The following DMD variants were observed in gnomAD, a reference collection of about 807,000 sequenced individuals.
DMD encodes the protein dystrophin.
Under a neutral mutation model 330.1 loss-of-function variants are expected in DMD, and 63 were observed. The ratio of observed to expected loss-of-function variants is 0.19; its 90% confidence interval spans 0.16 to 0.24. The LOEUF (loss-of-function observed/expected upper bound fraction) is 0.24. DMD is among the 10% of genes least tolerant of loss of function. The pLI is 1.00. For missense variants in DMD, 3,344 were observed against 2,684.1 expected (o/e 1.25, Z -5.43); for synonymous variants, 1,223 against 959.8 (o/e 1.27, Z -5.07).
At chrX:31,684,541 G>A (rs778890544) in intron 52 of DMD, among the ~76,000 whole-genome samples, 1 of 111,804 alleles carries the variant, frequency 8.9e-6, no homozygotes, top group African/African-American at 3.3e-5. Flanking sequence ...ATTCAAAGAT[G>A]GACTTATGGT....
intron 44 of DMD, among the ~76,000 whole-genome samples, chrX:31,990,306 C>T (rs766648610): frequency 9.0e-6 from 1 of 111,167 alleles, no homozygotes; most frequent in Non-Finnish European, 1.9e-5. Context: ...ATGTAAATGC[C>T]TTTTCCTGGA....
chrX:32,412,254 A>G (rs758838962), intron 29 of DMD: 1 of 993,279 alleles, frequency 1.0e-6, no homozygotes, highest in East Asian at 6.3e-5. Context: ...TGATCTCATT[A>G]TATAGTTCAA....
chrX:32,362,644 G>T, intron 37 of DMD, 144 bp downstream of exon 37: 2 of 613,520 alleles, frequency 3.3e-6, no homozygotes, highest in Non-Finnish European at 5.4e-6. Context: ...ATAATCAGTG[G>T]TAAAATTTCC....
intron 9 of DMD, among the ~76,000 whole-genome samples, chrX:32,656,185 C>G (rs2060557483): frequency 8.9e-6 from 1 of 111,797 alleles, no homozygotes; most frequent in African/African-American, 3.2e-5. Context: ...ATAACGCATC[C>G]AACTTCGTCA....
intron 17 of DMD, among the ~76,000 whole-genome samples, chrX:32,520,688 CTTTA>C (rs1319734981): frequency 2.7e-5 from 3 of 111,341 alleles, no homozygotes; most frequent in Non-Finnish European, 5.6e-5. Context: ...TTATTGGCTG[CTTTA>C]TTTTTCTTAT....
rs773102625 is a variant in DMD at position 31,774,052 on chromosome X, C to A, written c.7450G>T (p.Asp2484Tyr). The A allele has an allele frequency of 8.3e-7, 1 of 1,208,013 alleles. No homozygotes were observed. Among genetic ancestry groups the A allele is most frequent in the Non-Finnish European group, 1.1e-6 (1 of 894,861 alleles). The change falls in exon 51 of 79, where the codon GAC becomes TAC. Residue 2484 changes from aspartate to tyrosine, a missense_variant. By Grantham distance (160) the Asp-to-Tyr change is radical. Transcript: ENST00000357033. ...DFNRAWTELT[D>Y]WLSLLDQVIK... ...ACTTGATCAAGCAGAGAAAGCCAGT[C>A]GGTAAGTTCTGTCCAAGCCCGGTTG...
chrX:31,954,584 C>T (rs1177036762), intron 45 of DMD, among the ~76,000 whole-genome samples: 2 of 110,952 alleles, frequency 1.8e-5, no homozygotes, highest in Admixed American at 9.6e-5. Flanking sequence ...CTGTCATTTG[C>T]AGCAACGTGG....
chrX:32,622,700 A>G (rs2058076988), intron 11 of DMD, among the ~76,000 whole-genome samples: 1 of 111,654 alleles, frequency 9.0e-6, no homozygotes, highest in African/African-American at 3.3e-5. Context: ...CCTTTTTTAT[A>G]CGCAACTCAT....
intron 41 of DMD, among the ~76,000 whole-genome samples, chrX:32,334,548 G>C (rs760827425): frequency 1.8e-5 from 2 of 111,573 alleles, no homozygotes; most frequent in Non-Finnish European, 3.8e-5. Context: ...TCTAGGCTCA[G>C]ACATTATTTT....
intron 50 of DMD, among the ~76,000 whole-genome samples, chrX:31,817,230 A>G (rs2092654359): frequency 8.9e-6 from 1 of 112,555 alleles, no homozygotes; most frequent in Non-Finnish European, 1.9e-5. Flanking sequence ...ATCTGCTATA[A>G]TGAATTATAA....
In DMD at chrX:31,679,367, A is replaced by T; in HGVS notation, c.7872+8T>A. The T allele has an allele frequency of 8.4e-7, 1 of 1,184,889 alleles. No individual in the cohort carries two copies. Among genetic ancestry groups the T allele is most frequent in the Non-Finnish European group, 1.1e-6 (1 of 876,644 alleles). On this transcript the variant is annotated splice_region_variant and intron_variant, in intron 53 of 78. Transcript: ENST00000357033. ...ATTTTATTTTAAAAAGGTATCTTTG[A>T]TACTAACCTTGGTTTCTGTGATTTT...
chrX:33,305,747 C>T (rs2053752650), intron 1 of DMD, among the ~76,000 whole-genome samples: 1 of 110,933 alleles, frequency 9.0e-6, no homozygotes, highest in African/African-American at 3.3e-5. Flanking sequence ...TATAAAAAAC[C>T]TTCAGTCTCA....
At chrX:32,162,925 G>T (rs2096855470) in intron 44 of DMD, among the ~76,000 whole-genome samples, 1 of 110,271 alleles carries the variant, frequency 9.1e-6, no homozygotes, top group East Asian at 2.9e-4. Flanking sequence ...ACTTGAATTT[G>T]AATAATACCT....
chrX:31,510,334 C>T (rs779135641), intron 55 of DMD, among the ~76,000 whole-genome samples: 26 of 110,929 alleles, frequency 2.3e-4, no homozygotes, highest in African/African-American at 8.5e-4. Flanking sequence ...TTGCCAGAAG[C>T]ATTGGATATA....
chrX:31,233,532 A>C (rs2047422260), intron 63 of DMD, among the ~76,000 whole-genome samples: 1 of 111,302 alleles, frequency 9.0e-6, no homozygotes, highest in East Asian at 2.8e-4. Flanking sequence ...GATTGCAAAA[A>C]CATACTCTTC....
At chrX:32,871,543 T>C (rs1371415225) in intron 2 of DMD, among the ~76,000 whole-genome samples, 2 of 111,592 alleles carry the variant, frequency 1.8e-5, no homozygotes, top group African/African-American at 6.5e-5. Flanking sequence ...CTGGAATCTA[T>C]TGATAAGATT....
intron 2 of DMD, among the ~76,000 whole-genome samples, chrX:32,900,811 C>A (rs1159927875): frequency 9.0e-6 from 1 of 111,021 alleles, no homozygotes; most frequent in Non-Finnish European, 1.9e-5. Flanking sequence ...AAATGTCACA[C>A]CAAAAGGAAA....
chrX:32,324,250 T>C (rs1295368589), intron 41 of DMD, among the ~76,000 whole-genome samples: 2 of 111,677 alleles, frequency 1.8e-5, no homozygotes, highest in Non-Finnish European at 3.8e-5. Context: ...AAATATTACA[T>C]GTACCCTATA....
chrX:31,952,191 G>A (rs2095190311), intron 45 of DMD, among the ~76,000 whole-genome samples: 1 of 110,886 alleles, frequency 9.0e-6, no homozygotes, highest in South Asian at 3.8e-4. Context: ...TATGTTTTAG[G>A]GTATTGATCT....
Sources: gnomAD v4.1 joint callset for allele counts (sites outside exome capture counted in the v4.1 genomes callset) on GRCh38, gnomAD v4.1.1 for gene constraint, MANE v1.5 for transcripts, NCBI Gene and HGNC (gene_info 2026-07-23, HGNC 2026-07-21) for gene names.